MYOF: variants seen among roughly 807,000 people sequenced by gnomAD.
MYOF encodes myoferlin, also known as fer-1-like 3, myoferlin.
MYOF carries 244 observed loss-of-function variants against 284.2 expected under a neutral mutation model. That is an observed-to-expected ratio of 0.86 (90% confidence interval 0.77 to 0.95). The LOEUF is 0.95. MYOF is among the 40% of genes least tolerant of loss of function. MYOF has a pLI of 0.00. For synonymous variants in MYOF, 904 were observed against 919.7 expected (o/e 0.98, Z 0.31); for missense variants, 2,496 against 2,560.6 (o/e 0.97, Z 0.54).
At chr10:93,471,382 TG>T (rs1397784109) in intron 1 of MYOF, among the ~76,000 whole-genome samples, 1 of 152,098 alleles carries the variant, frequency 6.6e-6, no homozygotes, top group Non-Finnish European at 1.5e-5. Context: ...TGGATCCTAA[TG>T]ACTCCAACCA....
intron 9 of MYOF, among the ~76,000 whole-genome samples, chr10:93,403,803 G>A (rs1564689534): frequency 6.6e-6 from 1 of 152,086 alleles, no homozygotes; most frequent in Non-Finnish European, 1.5e-5. Context: ...CCCTGGGAAG[G>A]GCCCTGATAT....
At chr10:93,464,875 A>G (rs1406477111) in intron 1 of MYOF, among the ~76,000 whole-genome samples, 1 of 152,202 alleles carries the variant, frequency 6.6e-6, no homozygotes, top group East Asian at 1.9e-4. Context: ...TTGATCTCCC[A>G]TTCAGAAGTA....
chr10:93,343,803 C>A (rs1844040854), intron 38 of MYOF, 53 bp downstream of exon 38: 1 of 1,571,168 alleles, frequency 6.4e-7, no homozygotes, highest in Non-Finnish European at 8.8e-7. Context: ...GCTTAGACAT[C>A]TAAGCATAGA....
intron 43 of MYOF, 128 bp from the exon 44 acceptor site, chr10:93,329,962 A>G (rs1434719725): frequency 7.6e-6 from 7 of 917,162 alleles, no homozygotes. Context: ...GAGCAGGATA[A>G]CCAGGGTGGG....
intron 52 of MYOF, among the ~76,000 whole-genome samples, 176 bp downstream of exon 52, chr10:93,310,358 G>A (rs1043621952): frequency 1.3e-5 from 2 of 152,106 alleles, no homozygotes; most frequent in African/African-American, 4.8e-5. Flanking sequence ...TTGGTTTCCT[G>A]GAAAGGAGAA....
chr10:93,397,551 A>C (rs1847081644), intron 13 of MYOF, 95 bp from the exon 14 acceptor site: 1 of 782,628 alleles, frequency 1.3e-6, no homozygotes, highest in African/African-American at 1.8e-5. Flanking sequence ...TTAGCAGTTT[A>C]CTTATATACT....
In MYOF at chr10:93,306,874, C is replaced by T. The variant is rs1034335052; in HGVS notation, c.*89G>A. ...GCGTAACCTGCTACTGGGGTGTGGT[C>T]TCAGACACAAAATCACACTGGATGT... On this transcript the variant is annotated 3_prime_UTR_variant, in exon 54 of 54. Transcript: ENST00000359263. 3.3e-5 allele frequency: 46 copies of T among 1,388,606 alleles called. 1 individual carries two copies. In the South Asian group the frequency reaches 5.4e-4, roughly 16 times the overall value. The allele number at this position is 1,388,606 out of a possible 1,614,324, so 86.0% of individuals were successfully genotyped here.
At chr10:93,412,956 G>C (rs1430246752) in intron 5 of MYOF, among the ~76,000 whole-genome samples, 4 of 152,088 alleles carry the variant, frequency 2.6e-5, no homozygotes, top group Non-Finnish European at 5.9e-5. Flanking sequence ...GCTGACAGCT[G>C]TTGGGTTCCT....
chr10:93,350,781 A>G (rs1267932680), intron 35 of MYOF, among the ~76,000 whole-genome samples: 1 of 152,188 alleles, frequency 6.6e-6, no homozygotes, highest in East Asian at 1.9e-4. Flanking sequence ...CTGTCTATCA[A>G]GCCACCTTGT....
In MYOF at chr10:93,474,018, G is replaced by A. The variant is rs143339936; in HGVS notation, c.88+8089C>T. ...ACTCGCCCACAGGGTGCACACTCCAGCTGGAAGCAAGGCAGTCTGATGTTC... is the reference window on the plus strand; with the variant it reads ...ACTCGCCCACAGGGTGCACACTCCAACTGGAAGCAAGGCAGTCTGATGTTC... On this transcript the variant is annotated intron_variant, in intron 1 of 53. Transcript: ENST00000359263. 7.9e-3 allele frequency among the ~76,000 whole-genome samples: 1,205 copies of A among 152,254 alleles called. 22 individuals are homozygous for A. The highest frequency in any genetic ancestry group is 0.027 in the African/African-American group (1,128 of 41,550).
intron 5 of MYOF, among the ~76,000 whole-genome samples, chr10:93,422,722 G>A (rs1238725334): frequency 1.3e-5 from 2 of 152,094 alleles, no homozygotes; most frequent in African/African-American, 4.8e-5. Flanking sequence ...CTTGAACCTG[G>A]GACACGGAGG....
At position 93,399,643 on chromosome 10, in the gene MYOF, G is replaced by A. The variant is rs1847181857; in HGVS notation, c.1118-148C>T. ...AATCCCAGGACTTTGAGAGGCCAAG[G>A]CTGGTGGATCATGAGGTCAGAAGAG... On this transcript the variant is annotated intron_variant, in intron 12 of 53. Transcript: ENST00000359263. The A allele has an allele frequency of 3.7e-5, 22 of 601,366 alleles. 1 individual carries two copies. In the South Asian group the frequency reaches 4.6e-4, roughly 13 times the overall value. 37.3% of individuals were successfully genotyped at this position (601,366 alleles called of 1,614,324 possible). A position where few individuals can be genotyped will look rare whatever the true frequency, so the allele number is the denominator to read the frequency against.
intron 1 of MYOF, among the ~76,000 whole-genome samples, chr10:93,476,245 CTTTTTTTTTTT>C (rs67108011): frequency 6.2e-5 from 4 of 64,998 alleles, no homozygotes; most frequent in Admixed American, 2.2e-4. Context: ...CTTCCCCATT[CTTTTTTTTTTT>C]TTTTTTTTTT....
rs191431288 is a variant in MYOF at position 93,329,534 on chromosome 10, T to C, written c.4982+130A>G. 2,377 of 892,402 alleles carry C rather than the reference T, an allele frequency of 2.7e-3. 7 individuals are homozygous for C. The highest frequency in any genetic ancestry group is 3.0e-3 in the Non-Finnish European group (1,868 of 613,622). The allele number at this position is 892,402 out of a possible 1,614,324, so 55.3% of individuals were successfully genotyped here. A position where few individuals can be genotyped will look rare whatever the true frequency, so the allele number is the denominator to read the frequency against. On this transcript the variant is annotated intron_variant, in intron 44 of 53. Transcript: ENST00000359263. ...GAGATTCCCTAGAATAATCCTGCGA[T>C]TGAAATCCATACCTGAGTGATAGGA...
At chr10:93,410,124 C>G (rs865895574) in intron 5 of MYOF, among the ~76,000 whole-genome samples, 1 of 152,292 alleles carries the variant, frequency 6.6e-6, no homozygotes, top group Middle Eastern at 3.4e-3. Flanking sequence ...AGCTTCAACT[C>G]CATCCCTCCC....
At chr10:93,462,251 G>A (rs973777056) in intron 1 of MYOF, among the ~76,000 whole-genome samples, 1 of 152,004 alleles carries the variant, frequency 6.6e-6, no homozygotes, top group African/African-American at 2.4e-5. Context: ...TATATTTTTA[G>A]TAAAGACAGG....
intron 1 of MYOF, among the ~76,000 whole-genome samples, chr10:93,475,255 AC>A (rs1239555523): frequency 6.6e-5 from 10 of 152,224 alleles, no homozygotes; most frequent in Admixed American, 6.5e-4. Flanking sequence ...CCCCAGTGCA[AC>A]AGAACAGCTG....
rs772419609 is a variant in MYOF at position 93,343,897 on chromosome 10, C to T, written c.4285G>A (p.Val1429Ile). The change falls in exon 38 of 54, where the codon GTT becomes ATT. Residue 1429 changes from valine to isoleucine, a missense_variant. Around this residue, in one of 3 missense-constraint regions of MYOF, gnomAD observed 2,436 missense variants for 2,480.7 expected, o/e 0.98. Transcript: ENST00000359263. ...GGTTTGGTGTCTTCCATTTCGATAA[C>T]GATGTCCCGGCATGGTGGGGCAGAC... ...LLSAPPCRDI[V>I]IEMEDTKPLL... 9.9e-6 allele frequency: 16 copies of T among 1,614,054 alleles called. No individual in the cohort carries two copies. Among genetic ancestry groups the T allele is most frequent in the Admixed American group, 3.3e-5 (2 of 60,008 alleles).
intron 21 of MYOF, 98 bp from the exon 22 acceptor site, chr10:93,377,527 T>C: frequency 1.1e-6 from 1 of 890,656 alleles, no homozygotes; most frequent in Non-Finnish European, 1.7e-6. Context: ...TAAATATTTT[T>C]GTATATTCAA....
Sources: allele counts gnomAD v4.1 joint callset (sites outside exome capture counted in the v4.1 genomes callset), GRCh38; gene constraint gnomAD v4.1.1; regional missense constraint gnomAD v4.1.1; transcripts MANE v1.5; gene names NCBI Gene and HGNC (gene_info 2026-07-23, HGNC 2026-07-21).